Variants in DOCK6 observed in about 807,000 individuals in gnomAD.
DOCK6 encodes dedicator of cytokinesis 6.
In DOCK6, 167 loss-of-function variants were observed where a neutral mutation model predicts 230.3. The ratio of observed to expected loss-of-function variants is 0.73; its 90% confidence interval spans 0.64 to 0.82. The LOEUF (loss-of-function observed/expected upper bound fraction) is 0.82. Among genes scored for constraint, DOCK6 ranks in the 40% least tolerant of loss-of-function variants. The pLI is 0.00. For synonymous variants in DOCK6, 1,148 were observed against 1,185.0 expected (o/e 0.97, Z 0.64); for missense variants, 2,598 against 2,825.8 (o/e 0.92, Z 1.83).
At chr19:11,253,376 G>A (rs547197072) in intron 2 of DOCK6, among the ~76,000 whole-genome samples, 153 of 152,262 alleles carry the variant, frequency 1.0e-3, no homozygotes, top group African/African-American at 2.2e-3. Context: ...CCAGGTGGCT[G>A]GAGATGGGGG....
chr19:11,233,378 G>C lies in DOCK6; in HGVS notation c.2555-12C>G. ...CACTGGAGGGGCCCCTGAGGATGGA[G>C]TGAATAGGGTCAACCACCCACCCAC... On this transcript the variant is annotated splice_polypyrimidine_tract_variant and intron_variant, in intron 21 of 47. Transcript: ENST00000294618. The C allele has an allele frequency of 6.2e-7, 1 of 1,608,880 alleles. No homozygotes were observed. Among genetic ancestry groups the C allele is most frequent in the Non-Finnish European group, 8.5e-7 (1 of 1,175,838 alleles).
At chr19:11,255,363 G>C (rs1476047626) in intron 1 of DOCK6, among the ~76,000 whole-genome samples, 1 of 150,334 alleles carries the variant, frequency 6.7e-6, no homozygotes, top group African/African-American at 2.5e-5. Flanking sequence ...GGAGTGTAGT[G>C]GCACGATATC....
intron 1 of DOCK6, among the ~76,000 whole-genome samples, chr19:11,258,324 G>T (rs746019767): frequency 6.6e-6 from 1 of 152,202 alleles, no homozygotes; most frequent in Non-Finnish European, 1.5e-5. Flanking sequence ...GAGGGAGCCA[G>T]GAAGGTGGAG....
chr19:11,235,894 TTTTTGAGATGGAG>T, intron 20 of DOCK6, 135 bp from the exon 21 acceptor site: 1 of 1,277,566 alleles, frequency 7.8e-7, no homozygotes, highest in Non-Finnish European at 1.0e-6. Flanking sequence ...TTTTTTTTTT[TTTTTGAGATGGAG>T]TCTTGCTCTG....
rs1192512667 is a variant in DOCK6, at chr19:11,214,590, C to T, written c.4166G>A (p.Ser1389Asn). 1.2e-6 allele frequency: 2 copies of T among 1,613,880 alleles called. No individual in the cohort carries two copies. The highest frequency in any genetic ancestry group is 1.7e-6 in the Non-Finnish European group (2 of 1,179,886). The stretch of plus-strand genomic sequence containing the variant: ...CTCCAGTGTGTCCAGAACCACTAGG[C>T]TTGCCTCGGTTGCCAGGTTCCCTTC... Reference protein sequence around the residue: ...LVEGNLATEASLVVLDTLEII... With the variant: ...LVEGNLATEANLVVLDTLEII... The change falls in exon 33 of 48, where the codon AGC becomes AAC. Residue 1389 changes from serine (S) to asparagine (N), a missense_variant. Coordinates refer to ENST00000294618, the MANE Select transcript of DOCK6 (RefSeq NM_020812.4).
At chr19:11,206,004 A>C (rs1430006966) in intron 39 of DOCK6, 1 of 152,212 alleles carries the variant, frequency 6.6e-6, no homozygotes, top group Non-Finnish European at 1.5e-5. Flanking sequence ...CCAGCACCAC[A>C]GAAGAAATCT....
chr19:11,203,802 C>A (rs1215169336), intron 41 of DOCK6: 2 of 550,102 alleles, frequency 3.6e-6, no homozygotes, highest in East Asian at 6.2e-5. Context: ...ACCCCGCCAC[C>A]CCCCTGCAGT....
chr19:11,215,325 A>G, intron 32 of DOCK6, 62 bp downstream of exon 32: 1 of 1,471,688 alleles, frequency 6.8e-7, no homozygotes, highest in Non-Finnish European at 9.5e-7. Context: ...GGACTCAAGC[A>G]ATCCTCCTGC....
In DOCK6 at chr19:11,243,924, C is replaced by G; in HGVS notation, c.1024-42G>C. The G allele has an allele frequency of 1.3e-6, 2 of 1,568,398 alleles. No individual in the cohort carries two copies. The highest frequency in any genetic ancestry group is 1.7e-6 in the Non-Finnish European group (2 of 1,155,980). The stretch of plus-strand genomic sequence containing the variant: ...TGAATCCAGTGAGGCGCTGCCCGAA[C>G]GCTCTGTTCCCCCGTGCTGGCTCCC... On this transcript the variant is annotated intron_variant, in intron 9 of 47. Transcript: ENST00000294618. The surrounding 1 kb of genome is among the most constrained non-coding windows in gnomAD (Gnocchi z 6.3).
chr19:11,250,893 A>G lies in DOCK6; in HGVS notation c.701T>C (p.Leu234Pro). 6.2e-7 allele frequency: 1 copy of G among 1,601,270 alleles called. No individual in the cohort carries two copies. Among genetic ancestry groups the G allele is most frequent in the Non-Finnish European group, 8.5e-7 (1 of 1,169,798 alleles). The change falls in exon 6 of 48, where the codon CTC (leucine) becomes CCC (proline). Residue 234 changes from leucine (L) to proline (P), a missense_variant. Leu to Pro is a moderately conservative substitution (Grantham distance 98, BLOSUM62 -3). Transcript: ENST00000294618. ...RQHRPPALLTLYPAPDEDEAV... is the reference protein window; with the variant it reads ...RQHRPPALLTPYPAPDEDEAV... ...ACCCACCTCGTCAGGTGCCGGGTAGAGGGTGAGCAGGGCCGGGGGCCGGTG... is the reference window on the plus strand; with the variant it reads ...ACCCACCTCGTCAGGTGCCGGGTAGGGGGTGAGCAGGGCCGGGGGCCGGTG...
chr19:11,233,263 A>G lies in DOCK6; in HGVS notation c.2658T>C (p.Pro886=), dbSNP rs1199925693. 3.1e-6 allele frequency: 5 copies of G among 1,613,878 alleles called. No homozygotes were observed. Among genetic ancestry groups the G allele is most frequent in the Middle Eastern group, 1.7e-4 (1 of 6,048 alleles). ...ARSKSISSSN[P]DLAVAPGSVD... ...CAGAGCCAGGGGCCACGGCGAGGTC[A>G]GGGTTGCTGCTGCTGATGCTCTTGG... Residue 886 remains proline, a synonymous_variant, in exon 22 of 48, where the codon CCT becomes CCC. Coordinates refer to ENST00000294618, the MANE Select transcript of DOCK6 (RefSeq NM_020812.4).
chr19:11,212,824 C>G (rs2079413126), intron 35 of DOCK6, among the ~76,000 whole-genome samples: 1 of 151,180 alleles, frequency 6.6e-6, no homozygotes, highest in Non-Finnish European at 1.5e-5. Context: ...CTCAGCTTCC[C>G]AAAGTGCTGA....
At position 11,212,063 on chromosome 19, in the gene DOCK6, C is replaced by T. The variant is rs745393166; in HGVS notation, c.4580G>A (p.Arg1527His). 1.2e-5 allele frequency: 20 copies of T among 1,611,104 alleles called. No homozygotes were observed. Among genetic ancestry groups the T allele is most frequent in the South Asian group, 3.3e-5 (3 of 90,422 alleles). Residue 1527 changes from arginine (R) to histidine (H), a missense_variant, in exon 36 of 48, where the codon CGT becomes CAT. Arg to His is a conservative substitution (Grantham distance 29). Transcript: ENST00000294618. ...TQNFSEEHLR[R>H]SLKTILTYAE... ...ATAGGTGAGGATGGTTTTGAGTGAA[C>T]GTCGCAGGTGCTCTTCACTGAAGTT...
In DOCK6 at chr19:11,245,664, G is replaced by A. The variant is rs758822996; in HGVS notation, c.922C>T (p.Leu308=). ...GGGTGGGTGCCATGAGCCCGAAGCA[G>A]CCCCTTCATGGAGTCCGAGTTCAGG... ...FDLNSDSMKG[L]LRAHGTHPAI... The change falls in exon 9 of 48, where the codon CTG becomes TTG. Residue 308 remains leucine, a synonymous_variant. Transcript: ENST00000294618. 3 of 1,609,480 alleles carry A rather than the reference G, an allele frequency of 1.9e-6. No homozygotes were observed. Among genetic ancestry groups the A allele is most frequent in the Non-Finnish European group, 2.5e-6 (3 of 1,177,954 alleles).
At chr19:11,239,595 G>A (rs759780922) in intron 14 of DOCK6, 2 of 1,608,134 alleles carry the variant, frequency 1.2e-6, no homozygotes, top group East Asian at 4.5e-5. Context: ...AGGCATAAAA[G>A]GCTTCAGTGA....
rs762436489 is a variant in DOCK6, at chr19:11,247,255, A to ATT, written c.806+809_806+810dup. The ATT allele has an allele frequency of 2.7e-4, 38 of 138,228 alleles. No homozygotes were observed. The East Asian group carries it at 3.1e-3, about 11-fold the overall frequency. 8.6% of individuals were successfully genotyped at this position (138,228 alleles called of 1,614,324 possible). On this transcript the variant is annotated intron_variant, in intron 7 of 47. Transcript: ENST00000294618. ...AGGTGCCTGCCACCACGTCTGGCTA[A>ATT]TTTTTTTTTTTTTTTTTCAGTAGAG...
At position 11,213,343 on chromosome 19, in the gene DOCK6, CCAGA is replaced by C. The variant is rs2079426071; in HGVS notation, c.4339-19_4339-16del. 4 of 1,607,644 alleles carry C rather than the reference CCAGA, an allele frequency of 2.5e-6. No homozygotes were observed. The African/African-American group carries it at 5.3e-5, about 21-fold the overall frequency. On this transcript the variant is annotated splice_polypyrimidine_tract_variant and intron_variant, in intron 34 of 47. Transcript: ENST00000294618. The stretch of plus-strand genomic sequence containing the variant: ...AGCTCCGGGAACTGCCCCCAAGGAC[CCAGA>C]CAGACACTGTCCAGCCCCTCCCCGT...
chr19:11,229,437 G>A (rs1273048909), intron 22 of DOCK6: 1 of 952,614 alleles, frequency 1.0e-6, no homozygotes, highest in Non-Finnish European at 1.3e-6. Context: ...TGGATGAGGT[G>A]AAGGGGTATG....
intron 37 of DOCK6, among the ~76,000 whole-genome samples, chr19:11,209,411 A>G (rs2079323716): frequency 6.6e-6 from 1 of 151,538 alleles, no homozygotes; most frequent in South Asian, 2.1e-4. Flanking sequence ...GCTGTCTCCC[A>G]CTGACCAGCC....
Sources: allele counts gnomAD v4.1 joint callset (sites outside exome capture counted in the v4.1 genomes callset), GRCh38; gene constraint gnomAD v4.1.1; non-coding constraint Gnocchi (gnomAD v3.1); transcripts MANE v1.5; gene names NCBI Gene and HGNC (gene_info 2026-07-23, HGNC 2026-07-21).